Variants in F12 observed in about 807,000 individuals in gnomAD.
The protein encoded by F12 is Hageman factor.
Under a neutral mutation model 74.8 loss-of-function variants are expected in F12, and 70 were observed. The observed-to-expected ratio is 0.94, with a 90% CI of 0.77 to 1.14. The LOEUF is 1.14. Ranked by LOEUF, F12 falls within the 50% of genes most tolerant of loss-of-function variation. F12 has a pLI of 0.00. For synonymous variants in F12, 373 were observed against 356.4 expected (o/e 1.05, Z -0.52); for missense variants, 811 against 835.7 (o/e 0.97, Z 0.36).
In F12 at chr5:177,403,521, C is replaced by T. The variant is rs530003807; in HGVS notation, c.1347G>A (p.Leu449=). Residue 449 remains leucine (L), a synonymous_variant, in exon 11 of 14, where the codon TTG becomes TTA. Coordinates refer to ENST00000253496, the MANE Select transcript of F12 (RefSeq NM_000505.4). ...CQTLAVRSYR[L]HEAFSPVSYQ... ...AGCTGACGGGCGAGAAGGCCTCGTGCAAGCGGTAGGAGCGCACGGCCAACG... is the reference window on the plus strand; with the variant it reads ...AGCTGACGGGCGAGAAGGCCTCGTGTAAGCGGTAGGAGCGCACGGCCAACG... 8.8e-6 allele frequency: 14 copies of T among 1,584,452 alleles called. No individual in the cohort carries two copies. The Admixed American group carries it at 2.1e-4, about 24-fold the overall frequency.
chr5:177,402,828 G>A (rs1463120632), intron 12 of F12, 130 bp from the exon 13 acceptor site: 1 of 1,309,304 alleles, frequency 7.6e-7, no homozygotes, highest in Non-Finnish European at 1.1e-6. Flanking sequence ...CCGAAGGGGA[G>A]GAGGTGCCAT....
chr5:177,406,261 G>T (rs1375937202), intron 2 of F12, among the ~76,000 whole-genome samples, 200 bp from the exon 3 acceptor site: 2 of 152,186 alleles, frequency 1.3e-5, no homozygotes, highest in African/African-American at 2.4e-5. Context: ...GGCCAAGGCG[G>T]GCAGATCACG....
chr5:177,403,994 C>T lies in F12; in HGVS notation c.1115G>A (p.Arg372His), dbSNP rs118204454. The T allele has an allele frequency of 3.1e-6, 5 of 1,602,920 alleles. No individual in the cohort carries two copies. Among genetic ancestry groups the T allele is most frequent in the East Asian group, 2.2e-5 (1 of 44,846 alleles). The change falls in exon 10 of 14, where the codon CGC (arginine) becomes CAC (histidine). Residue 372 changes from arginine to histidine, a missense_variant. Coordinates refer to ENST00000253496, the MANE Select transcript of F12 (RefSeq NM_000505.4). ...RLRKSLSSMT[R>H]VVGGLVALRG... ...TAGCGCCACCAGCCCGCCAACGACG[C>T]GGGTCATCGAAGACAGACTCTTGCG...
Position 177,404,342 on chromosome 5 carries a change from T to C in F12, c.872A>G (p.Asp291Gly). 1 of 1,610,948 alleles carries C rather than the reference T, an allele frequency of 6.2e-7. No homozygotes were observed. The change falls in exon 9 of 14, where the codon GAC (aspartate) becomes GGC (glycine). Residue 291 changes from aspartate (D) to glycine (G), a missense_variant. Coordinates refer to ENST00000253496, the MANE Select transcript of F12 (RefSeq NM_000505.4). The part of the protein sequence containing the change: ...NRDRLSWEYC[D>G]LAQCQTPTQA... Reference sequence around the variant, plus strand: ...GGTTGGGGTCTGGCACTGTGCCAGGTCGCAGTACTCCCAGCTCAGCCGGTC... The same window carrying C: ...GGTTGGGGTCTGGCACTGTGCCAGGCCGCAGTACTCCCAGCTCAGCCGGTC...
rs138588996 is a variant in F12 at position 177,406,024 on chromosome 5, G to T, written c.153C>A (p.Phe51Leu). ...TVTGEPCHFP[F>L]QYHRQLYHKC... is the part of the protein sequence containing the mutation. The stretch of plus-strand genomic sequence containing the variant: ...TGTGGTACAGCTGCCGGTGGTACTG[G>T]AAGGGGAAGTGGCAGGGCTCCCCGG... Residue 51 changes from phenylalanine to leucine, a missense_variant, in exon 3 of 14, where the codon TTC becomes TTA. Transcript: ENST00000253496. 29 of 1,614,022 alleles carry T rather than the reference G, an allele frequency of 1.8e-5. No individual in the cohort carries two copies. The highest frequency in any genetic ancestry group is 2.2e-5 in the Non-Finnish European group (26 of 1,180,030).
At position 177,404,418 on chromosome 5, in the gene F12, A is replaced by G; in HGVS notation, c.801-5T>C. Reference sequence around the variant, plus strand: ...CGGATGTCGTTGTCCGGGTTCCTGTAGCCACACGACGGGGCGCCGTTAGAG... The same window carrying G: ...CGGATGTCGTTGTCCGGGTTCCTGTGGCCACACGACGGGGCGCCGTTAGAG... On this transcript the variant is annotated splice_region_variant and splice_polypyrimidine_tract_variant and intron_variant, in intron 8 of 13. Coordinates refer to ENST00000253496, the MANE Select transcript of F12 (RefSeq NM_000505.4). 1.9e-6 allele frequency: 3 copies of G among 1,611,292 alleles called. No individual in the cohort carries two copies. The highest frequency in any genetic ancestry group is 2.5e-6 in the Non-Finnish European group (3 of 1,179,392).
In F12 at chr5:177,403,400, A is replaced by T; in HGVS notation, c.1388-3T>A. The T allele has an allele frequency of 6.3e-7, 1 of 1,593,710 alleles. No homozygotes were observed. Among genetic ancestry groups the T allele is most frequent in the Non-Finnish European group, 8.5e-7 (1 of 1,176,810 alleles). ...ATCCTCCTGAAGGCGCAACAGAGCT[A>T]ACCCGGGCGGAGAGGAGCGTGAGGC... On this transcript the variant is annotated splice_polypyrimidine_tract_variant and splice_region_variant and intron_variant, in intron 11 of 13. Coordinates refer to ENST00000253496, the MANE Select transcript of F12 (RefSeq NM_000505.4).
At position 177,404,040 on chromosome 5, in the gene F12, G is replaced by T; in HGVS notation, c.1069C>A (p.Leu357Met). The T allele has an allele frequency of 6.2e-7, 1 of 1,602,504 alleles. No homozygotes were observed. The highest frequency in any genetic ancestry group is 1.7e-5 in the Admixed American group (1 of 59,974). The change falls in exon 10 of 14, where the codon CTG (leucine) becomes ATG (methionine). Residue 357 changes from leucine (L) to methionine (M), a missense_variant. Transcript: ENST00000253496. ...QPPSLTRNGP[L>M]SCGQRLRKSL... The stretch of plus-strand genomic sequence containing the variant: ...TTGCGGAGCCGCTGCCCGCAGCTCA[G>T]TGGGCCGTTCCTGGTCAGGGAAGGC...
intron 2 of F12, among the ~76,000 whole-genome samples, chr5:177,407,095 A>G (rs1364417290): frequency 6.6e-6 from 1 of 152,256 alleles, no homozygotes; most frequent in East Asian, 1.9e-4. Context: ...GGTGTGTGCT[A>G]TAGTGCCATC....
Position 177,404,016 on chromosome 5 carries a change from T to TG in F12, c.1092dup (p.Lys365GlnfsTer69), listed in dbSNP as rs777982293. 8 of 1,602,096 alleles carry TG rather than the reference T, an allele frequency of 5.0e-6. No homozygotes were observed. In the East Asian group the frequency reaches 1.6e-4, roughly 31 times the overall value. On this transcript the variant is annotated frameshift_variant, in exon 10 of 14. Transcript: ENST00000253496. LOFTEE classifies it high-confidence loss of function. ...ACGCGGGTCATCGAAGACAGACTCT[T>TG]GCGGAGCCGCTGCCCGCAGCTCAGT...
chr5:177,404,094 T>TG lies in F12; in HGVS notation c.1019-5dup. 3 of 1,602,258 alleles carry TG rather than the reference T, an allele frequency of 1.9e-6. No homozygotes were observed. The highest frequency in any genetic ancestry group is 1.7e-4 in the Middle Eastern group (1 of 6,046). On this transcript the variant is annotated splice_region_variant and splice_polypyrimidine_tract_variant and intron_variant, in intron 9 of 13. Transcript: ENST00000253496. ...TGCTCCCGCTTCGCCGGCAAGGCTG[T>TG]GGAGGAGCAGGGGCTGAGGACGGAG... is the stretch of plus-strand genomic sequence containing the variant.
intron 13 of F12, 29 bp downstream of exon 13, chr5:177,402,521 G>A (rs754886210): frequency 2.5e-6 from 4 of 1,604,612 alleles, no homozygotes; most frequent in East Asian, 4.5e-5. Flanking sequence ...CGGCCTCGGG[G>A]AAGGGCGCCA....
intron 5 of F12, 31 bp from the exon 6 acceptor site, chr5:177,405,216 A>G (rs1763262070): frequency 6.2e-7 from 1 of 1,613,556 alleles, no homozygotes; most frequent in East Asian, 2.2e-5. Context: ...TGGTCTCAGG[A>G]GAGTCTAGGA....
chr5:177,404,407 C>T lies in F12; in HGVS notation c.807G>A (p.Pro269=). The T allele has an allele frequency of 6.2e-7, 1 of 1,611,674 alleles. No individual in the cohort carries two copies. The highest frequency in any genetic ancestry group is 1.7e-4 in the Middle Eastern group (1 of 6,054). ...GLGGHAFCRN[P]DNDIRPWCFV... is the part of the protein sequence containing the mutation. The stretch of plus-strand genomic sequence containing the variant: ...AGCACCACGGGCGGATGTCGTTGTC[C>T]GGGTTCCTGTAGCCACACGACGGGG... The change falls in exon 9 of 14, where the codon CCG becomes CCA. Residue 269 remains proline (P), a synonymous_variant. Transcript: ENST00000253496.
rs1346974552 is a variant in F12, at chr5:177,404,729, T to G, written c.635-65A>C. 8 of 1,599,526 alleles carry G rather than the reference T, an allele frequency of 5.0e-6. No individual in the cohort carries two copies. The East Asian group carries it at 1.8e-4, about 36-fold the overall frequency. On this transcript the variant is annotated intron_variant, in intron 7 of 13. Transcript: ENST00000253496. ...CTCTCCTGCCTCCCTCTCATCTGCT[T>G]TCCGCACTCTCCCTCCTCCTTCCTG...
In F12 at chr5:177,402,562, G is replaced by A. The variant is rs777228489; in HGVS notation, c.1668C>T (p.Thr556=). 1.9e-6 allele frequency: 3 copies of A among 1,611,808 alleles called. No homozygotes were observed. Among genetic ancestry groups the A allele is most frequent in the East Asian group, 2.2e-5 (1 of 44,804 alleles). The part of the protein sequence containing the change: ...MLCAGFLEGG[T]DACQGDSGGP... ...GCTAAGAGCTCACCTGGCACGCATCGGTGCCGCCCTCGAGGAACCCTGCGC... is the reference window on the plus strand; with the variant it reads ...GCTAAGAGCTCACCTGGCACGCATCAGTGCCGCCCTCGAGGAACCCTGCGC... Residue 556 remains threonine (T), a synonymous_variant, in exon 13 of 14, where the codon ACC becomes ACT. Transcript: ENST00000253496.
intron 3 of F12, 72 bp from the exon 4 acceptor site, chr5:177,405,877 T>G: frequency 6.2e-7 from 1 of 1,601,578 alleles, no homozygotes; most frequent in Middle Eastern, 1.7e-4. Flanking sequence ...CAGTCCCCTC[T>G]CTCCAAGCAG....
chr5:177,407,074 C>A (rs527627221), intron 2 of F12, among the ~76,000 whole-genome samples: 2 of 152,228 alleles, frequency 1.3e-5, no homozygotes, highest in African/African-American at 2.4e-5. Flanking sequence ...GTGTGTTAGA[C>A]ACTTGATTCA....
At chr5:177,404,731 C>T in intron 7 of F12, 67 bp from the exon 8 acceptor site, 1 of 1,598,268 alleles carries the variant, frequency 6.3e-7, no homozygotes, top group Non-Finnish European at 8.5e-7. Flanking sequence ...CATCTGCTTT[C>T]CGCACTCTCC....
Sources: allele counts gnomAD v4.1 joint callset (sites outside exome capture counted in the v4.1 genomes callset), GRCh38; gene constraint gnomAD v4.1.1; transcripts MANE v1.5; gene names NCBI Gene and HGNC (gene_info 2026-07-23, HGNC 2026-07-21).